UGT1A5: variants seen among roughly 807,000 people sequenced by gnomAD.
The protein encoded by UGT1A5 is UDP-glucuronosyltransferase 1A5.
In UGT1A5, 29 loss-of-function variants were observed where a neutral mutation model predicts 40.3. That is an observed-to-expected ratio of 0.72 (90% confidence interval 0.54 to 0.98). The LOEUF (loss-of-function observed/expected upper bound fraction) is 0.98. UGT1A5 is among the 50% of genes least tolerant of loss of function. The probability of loss-of-function intolerance (pLI) is 0.00; values close to 1 mark genes in which losing one functional copy is unlikely to be tolerated. For synonymous variants in UGT1A5, 257 were observed against 262.5 expected (o/e 0.98, Z 0.20); for missense variants, 678 against 677.9 (o/e 1.00, Z 0.00).
intron 1 of UGT1A5, among the ~76,000 whole-genome samples, chr2:233,725,404 A>G (rs1338986441): frequency 1.3e-5 from 2 of 151,736 alleles, no homozygotes; most frequent in African/African-American, 4.9e-5. Flanking sequence ...TTGATGGTCT[A>G]ATACAGAATT....
intron 1 of UGT1A5, among the ~76,000 whole-genome samples, chr2:233,724,413 G>A (rs1179316008): frequency 7.1e-6 from 1 of 141,162 alleles, no homozygotes; most frequent in Non-Finnish European, 1.5e-5. Context: ...TGGGGTGGCT[G>A]CCGGGCGGAG....
rs759406667 is a variant in UGT1A5 at position 233,713,458 on chromosome 2, T to G, written c.467T>G (p.Leu156Arg). The part of the protein sequence containing the change: ...FDVVLTDPFH[L>R]CAAVLAKYLS... ...GTGGTTCTAACAGACCCCTTTCACC[T>G]CTGCGCGGCGGTGCTGGCTAAGTAC... The change falls in exon 1 of 5, where the codon CTC becomes CGC. Residue 156 changes from leucine (L) to arginine (R), a missense_variant. Coordinates refer to ENST00000373414, the MANE Select transcript of UGT1A5 (RefSeq NM_019078.2). 4 of 1,614,140 alleles carry G rather than the reference T, an allele frequency of 2.5e-6. No homozygotes were observed. The Admixed American group carries it at 6.7e-5, about 27-fold the overall frequency.
intron 1 of UGT1A5, among the ~76,000 whole-genome samples, chr2:233,744,317 G>C (rs1444655221): frequency 6.6e-6 from 1 of 151,846 alleles, no homozygotes; most frequent in East Asian, 1.9e-4. Flanking sequence ...GAAGAGGGTG[G>C]TGGGAGTGAG....
intron 1 of UGT1A5, chr2:233,755,094 G>A (rs1173383438): frequency 1.5e-6 from 2 of 1,335,004 alleles, no homozygotes; most frequent in Non-Finnish European, 2.0e-6. Flanking sequence ...GCGTTTCTAC[G>A]CGTCCGACAA....
At position 233,713,306 on chromosome 2, in the gene UGT1A5, T is replaced by C. The variant is rs756011184; in HGVS notation, c.315T>C (p.His105=). The C allele has an allele frequency of 9.9e-6, 16 of 1,614,116 alleles. No homozygotes were observed. In the African/African-American group the frequency reaches 1.7e-4, roughly 17 times the overall value. ...CTCAATCGTTCTTTGAAACAGAACA[T>C]CTTCTGATGAAATTTTCTAGAAGAA... ...GHTQSFFETE[H]LLMKFSRRMA... Residue 105 remains histidine (H), a synonymous_variant, in exon 1 of 5, where the codon CAT becomes CAC. Transcript: ENST00000373414.
chr2:233,742,319 G>A (rs1288703999), intron 1 of UGT1A5, among the ~76,000 whole-genome samples: 1 of 151,924 alleles, frequency 6.6e-6, no homozygotes, highest in African/African-American at 2.4e-5. Flanking sequence ...TATTCCTTAC[G>A]GGAAACAAAG....
intron 1 of UGT1A5, among the ~76,000 whole-genome samples, chr2:233,751,432 G>T (rs1313513130): frequency 6.6e-6 from 1 of 152,164 alleles, no homozygotes; most frequent in Non-Finnish European, 1.5e-5. Flanking sequence ...GCTGAAATGA[G>T]TTAAGACTTT....
chr2:233,730,924 C>G (rs2078090552), intron 1 of UGT1A5, among the ~76,000 whole-genome samples: 1 of 152,176 alleles, frequency 6.6e-6, no homozygotes, highest in Non-Finnish European at 1.5e-5. Context: ...AGGCAGCTTT[C>G]ATTAATCCAG....
At chr2:233,740,749 G>A (rs1056795569) in intron 1 of UGT1A5, 15 of 151,730 alleles carry the variant, frequency 9.9e-5, no homozygotes, top group African/African-American at 3.7e-4. Context: ...TTTACACTCT[G>A]AAAACCTTAT....
chr2:233,758,784 C>CAGT (rs1243444315), intron 1 of UGT1A5, among the ~76,000 whole-genome samples: 1 of 152,158 alleles, frequency 6.6e-6, no homozygotes, highest in Non-Finnish European at 1.5e-5. Context: ...GGGATCTGTG[C>CAGT]AGTTATCTTG....
At chr2:233,715,263 C>T (rs1313325052) in intron 1 of UGT1A5, among the ~76,000 whole-genome samples, 2 of 152,196 alleles carry the variant, frequency 1.3e-5, no homozygotes, top group Non-Finnish European at 2.9e-5. Context: ...AATCCCCTTA[C>T]ATAACAAATT....
chr2:233,724,874 C>A (rs370433880), intron 1 of UGT1A5, among the ~76,000 whole-genome samples: 1 of 128,396 alleles, frequency 7.8e-6, no homozygotes, highest in Non-Finnish European at 1.6e-5. Flanking sequence ...TTGTAGTGAG[C>A]GGAGATCACG....
intron 1 of UGT1A5, among the ~76,000 whole-genome samples, chr2:233,716,957 A>G (rs2076536367): frequency 6.6e-6 from 1 of 152,152 alleles, no homozygotes; most frequent in Non-Finnish European, 1.5e-5. Context: ...GGCACCAGGA[A>G]TGTGAGCTTC....
intron 1 of UGT1A5, among the ~76,000 whole-genome samples, chr2:233,723,802 C>T (rs1164778615): frequency 1.3e-4 from 6 of 44,668 alleles, no homozygotes; most frequent in Non-Finnish European, 3.8e-5. Context: ...ATCCATTTAA[C>T]CCTGAGTGGA....
At chr2:233,717,542 C>T (rs539125114) in intron 1 of UGT1A5, among the ~76,000 whole-genome samples, 1 of 152,330 alleles carries the variant, frequency 6.6e-6, no homozygotes, top group South Asian at 2.1e-4. Flanking sequence ...AAGCCTCAGC[C>T]TCACCAGCAA....
At chr2:233,735,490 G>T (rs1335131931) in intron 1 of UGT1A5, among the ~76,000 whole-genome samples, 1 of 152,096 alleles carries the variant, frequency 6.6e-6, no homozygotes, top group Non-Finnish European at 1.5e-5. Context: ...TTTTTTAATT[G>T]CAGCATTTAG....
intron 1 of UGT1A5, among the ~76,000 whole-genome samples, chr2:233,719,971 C>T (rs1172487413): frequency 6.6e-6 from 1 of 152,170 alleles, no homozygotes; most frequent in Non-Finnish European, 1.5e-5. Context: ...GCATGTCCTT[C>T]AGCTCGGCAG....
At chr2:233,747,312 G>A in intron 1 of UGT1A5, 5 of 1,603,228 alleles carry the variant, frequency 3.1e-6, no homozygotes, top group Non-Finnish European at 4.3e-6. Context: ...AGGTGCTGGT[G>A]GTACCCATTG....
chr2:233,718,959 G>T (rs2076705502), intron 1 of UGT1A5: 9 of 1,614,212 alleles, frequency 5.6e-6, no homozygotes, highest in Non-Finnish European at 7.6e-6. Flanking sequence ...CATGCGGGAG[G>T]CCTTGCGGGA....
Sources: allele counts gnomAD v4.1 joint callset (sites outside exome capture counted in the v4.1 genomes callset), GRCh38; gene constraint gnomAD v4.1.1; transcripts MANE v1.5; gene names NCBI Gene and HGNC (gene_info 2026-07-23, HGNC 2026-07-21).